The following RAD51B variants were observed in gnomAD, a reference collection of about 807,000 sequenced individuals.
RAD51B encodes RAD51 paralog B, also known as DNA repair protein RAD51 homolog 2.
A neutral mutation model predicts 42.2 loss-of-function variants in RAD51B; 38 were observed. The observed-to-expected ratio is 0.90, with a 90% CI of 0.70 to 1.18. The LOEUF is 1.18. Ranked by LOEUF, RAD51B falls within the 50% of genes most tolerant of loss-of-function variation. The pLI, the probability that RAD51B is intolerant of heterozygous loss-of-function variation, is 0.00. For missense variants in RAD51B, 373 were observed against 400.7 expected (o/e 0.93, Z 0.59); for synonymous variants, 154 against 145.2 (o/e 1.06, Z -0.43).
intron 7 of RAD51B, among the ~76,000 whole-genome samples, chr14:68,281,067 G>GAAA (rs201705512): frequency 2.1e-5 from 3 of 145,786 alleles, no homozygotes; most frequent in African/African-American, 7.6e-5. Flanking sequence ...AAAAAAAAAT[G>GAAA]AAAAAAAAAA....
chr14:67,948,611 T>G (rs981974436), intron 7 of RAD51B, among the ~76,000 whole-genome samples: 4 of 152,030 alleles, frequency 2.6e-5, no homozygotes, highest in Non-Finnish European at 5.9e-5. Flanking sequence ...TGTAGTCTAT[T>G]AAGTGTGCAA....
At chr14:68,172,079 A>C (rs1176903382) in intron 7 of RAD51B, among the ~76,000 whole-genome samples, 1 of 152,234 alleles carries the variant, frequency 6.6e-6, no homozygotes, top group Non-Finnish European at 1.5e-5. Context: ...AGCCATGTTT[A>C]AATGTGCATA....
chr14:68,066,511 G>A (rs1432126242), intron 7 of RAD51B, among the ~76,000 whole-genome samples: 1 of 152,138 alleles, frequency 6.6e-6, no homozygotes, highest in Non-Finnish European at 1.5e-5. Context: ...ATTTGTAATG[G>A]CATGAGGAAA....
intron 10 of RAD51B, among the ~76,000 whole-genome samples, chr14:68,524,842 T>C (rs1244888739): frequency 6.6e-6 from 1 of 152,238 alleles, no homozygotes. Flanking sequence ...ACGATTTCTC[T>C]CCAGCATGTG....
At chr14:68,138,369 AAAC>A (rs1179188450) in intron 7 of RAD51B, among the ~76,000 whole-genome samples, 7 of 152,334 alleles carry the variant, frequency 4.6e-5, no homozygotes, top group Middle Eastern at 3.4e-3. Flanking sequence ...TCACATAATA[AAAC>A]AACATCTTTT....
chr14:68,003,769 A>G (rs1016440774), intron 7 of RAD51B, among the ~76,000 whole-genome samples: 2 of 152,148 alleles, frequency 1.3e-5, no homozygotes, highest in Non-Finnish European at 2.9e-5. Context: ...GCATCTGTTG[A>G]GATAATCGTG....
In RAD51B at chr14:68,669,627, TACACACAC is replaced by T. The variant is rs34821600; in HGVS notation, c.*11+18798_*11+18805del. 2.1e-3 allele frequency among the ~76,000 whole-genome samples: 315 copies of T among 147,994 alleles called. 1 individual carries two copies. Among genetic ancestry groups the T allele is most frequent in the Middle Eastern group, 0.01 (3 of 288 alleles). On this transcript the variant is annotated intron_variant, in intron 11 of 11. Coordinates refer to the RAD51B transcript ENST00000488612. Reference sequence around the variant, plus strand: ...CAAACACACTATCAAACCCGCCACTTACACACACACACACACACACACACACACACACA... The same window carrying T: ...CAAACACACTATCAAACCCGCCACTTACACACACACACACACACACACACA...
At chr14:67,905,607 CTTG>C (rs1452843811) in intron 7 of RAD51B, among the ~76,000 whole-genome samples, 3 of 151,894 alleles carry the variant, frequency 2.0e-5, no homozygotes, top group Non-Finnish European at 2.9e-5. Context: ...TTTTGTAATT[CTTG>C]TTGTAGAGAT....
At chr14:68,303,646 A>G (rs1416987142) in intron 8 of RAD51B, among the ~76,000 whole-genome samples, 6 of 152,142 alleles carry the variant, frequency 3.9e-5, no homozygotes, top group Admixed American at 2.0e-4. Context: ...TCTTAAAGCA[A>G]TGAGAACTTT....
At chr14:67,874,607 C>G (rs1025589093) in intron 5 of RAD51B, among the ~76,000 whole-genome samples, 10 of 152,028 alleles carry the variant, frequency 6.6e-5, no homozygotes, top group African/African-American at 2.4e-4. Flanking sequence ...GAGGGGAATG[C>G]TATTCAGGCA....
At chr14:68,122,683 G>A (rs929236360) in intron 7 of RAD51B, among the ~76,000 whole-genome samples, 2 of 152,116 alleles carry the variant, frequency 1.3e-5, no homozygotes, top group African/African-American at 4.8e-5. Flanking sequence ...TTCCACTTAA[G>A]GAATTTTCCT....
chr14:68,303,416 C>A (rs1174164571), intron 8 of RAD51B, among the ~76,000 whole-genome samples: 1 of 146,776 alleles, frequency 6.8e-6, no homozygotes, highest in African/African-American at 2.6e-5. Context: ...ATGCAACAAA[C>A]CTGCACGTTC....
At chr14:68,092,538 C>T (rs1263700203) in intron 7 of RAD51B, among the ~76,000 whole-genome samples, 6 of 152,234 alleles carry the variant, frequency 3.9e-5, no homozygotes, top group East Asian at 1.9e-4. Context: ...GTGATTTTTG[C>T]ACATTGATTT....
intron 1 of RAD51B, 101 bp from the exon 2 acceptor site, chr14:67,823,441 T>A (rs2040702404): frequency 5.8e-6 from 5 of 866,944 alleles, no homozygotes; most frequent in Non-Finnish European, 9.0e-6. Context: ...TGGAGAAACT[T>A]GAGGAATTTT....
intron 7 of RAD51B, among the ~76,000 whole-genome samples, chr14:68,194,890 C>T (rs192025831): frequency 2.0e-4 from 31 of 152,148 alleles, no homozygotes; most frequent in Admixed American, 1.9e-3. Context: ...AAAAGTCTAT[C>T]CTAAGTTGAT....
At chr14:68,555,686 C>G (rs1440380591) in intron 10 of RAD51B, among the ~76,000 whole-genome samples, 1 of 152,156 alleles carries the variant, frequency 6.6e-6, no homozygotes, top group East Asian at 1.9e-4. Context: ...CTCACCCATC[C>G]CAACATTCAT....
At chr14:68,477,616 C>A (rs1187457107) in intron 10 of RAD51B, 32 bp from the exon 11 acceptor site, 3 of 1,584,932 alleles carry the variant, frequency 1.9e-6, no homozygotes, top group Non-Finnish European at 2.6e-6. Context: ...TTTTTTTTTT[C>A]AAACTTTCTC....
chr14:68,207,229 C>T (rs2079610069), intron 7 of RAD51B, among the ~76,000 whole-genome samples: 1 of 151,962 alleles, frequency 6.6e-6, no homozygotes. Context: ...CACACACATA[C>T]ATATATATAT....
At chr14:68,246,580 A>T (rs1232974035) in intron 7 of RAD51B, among the ~76,000 whole-genome samples, 2 of 152,172 alleles carry the variant, frequency 1.3e-5, no homozygotes, top group African/African-American at 4.8e-5. Context: ...GGCTTTTTCT[A>T]GGCAGGAGTT....
Sources: allele counts gnomAD v4.1 joint callset (sites outside exome capture counted in the v4.1 genomes callset), GRCh38; gene constraint gnomAD v4.1.1; transcripts MANE v1.5; gene names NCBI Gene and HGNC (gene_info 2026-07-23, HGNC 2026-07-21).